MAP4K4: variants seen among roughly 807,000 people sequenced by gnomAD.
MAP4K4 encodes the protein HPK/GCK-like kinase HGK.
In MAP4K4, 38 loss-of-function variants were observed where a neutral mutation model predicts 189.6. The ratio of observed to expected loss-of-function variants is 0.20; its 90% CI spans 0.15 to 0.26. MAP4K4 has a LOEUF of 0.26. Ranked by LOEUF, MAP4K4 falls within the 10% of genes least tolerant of loss-of-function variation. MAP4K4 has a pLI of 1.00. For synonymous variants in MAP4K4, 610 were observed against 624.3 expected (o/e 0.98, Z 0.34); for missense variants, 1,054 against 1,726.9 (o/e 0.61, Z 6.91).
At chr2:101,765,844 C>CTAT (rs773425811) in intron 2 of MAP4K4, among the ~76,000 whole-genome samples, 16 of 152,106 alleles carry the variant, frequency 1.1e-4, no homozygotes, top group Admixed American at 8.5e-4. Context: ...ATTTCAATTT[C>CTAT]TGAGACAATT....
intron 3 of MAP4K4, chr2:101,797,234 C>G (rs573279453): frequency 6.5e-5 from 84 of 1,290,220 alleles, no homozygotes; most frequent in African/African-American, 5.6e-4. Context: ...ACCTATTGTT[C>G]TATTCTGTTA....
chr2:101,878,549 C>T (rs2098280222), intron 27 of MAP4K4, among the ~76,000 whole-genome samples: 1 of 152,224 alleles, frequency 6.6e-6, no homozygotes, highest in South Asian at 2.1e-4. Context: ...GTTATCTTCT[C>T]TTGCTGCCCT....
intron 2 of MAP4K4, among the ~76,000 whole-genome samples, chr2:101,740,163 T>TAAAGCCTGCA (rs1431180186): frequency 2.4e-4 from 23 of 97,802 alleles, no homozygotes; most frequent in African/African-American, 2.2e-3. Flanking sequence ...TTTTTTTTTT[T>TAAAGCCTGCA]TTTTTTTTGA....
chr2:101,887,280 T>C (rs757662168), intron 30 of MAP4K4, 43 bp downstream of exon 30: 1 of 1,570,886 alleles, frequency 6.4e-7, no homozygotes. Context: ...ACTGGCTTCA[T>C]TTTGTTTTGA....
chr2:101,828,855 C>G (rs903829673), intron 5 of MAP4K4, among the ~76,000 whole-genome samples: 1 of 152,224 alleles, frequency 6.6e-6, no homozygotes, highest in Non-Finnish European at 1.5e-5. Flanking sequence ...CTTCCACCAC[C>G]TCTCGTAAGA....
intron 15 of MAP4K4, 124 bp from the exon 16 acceptor site, chr2:101,860,701 C>T: frequency 1.3e-6 from 1 of 784,490 alleles, no homozygotes; most frequent in East Asian, 2.7e-5. Context: ...CTACCCCTCT[C>T]TTTTCTGGTA....
At chr2:101,800,828 A>C (rs1162741121) in intron 3 of MAP4K4, among the ~76,000 whole-genome samples, 2 of 152,206 alleles carry the variant, frequency 1.3e-5, no homozygotes, top group African/African-American at 4.8e-5. Flanking sequence ...AGGAATAACT[A>C]TTCTTGATCT....
intron 22 of MAP4K4, 150 bp from the exon 23 acceptor site, chr2:101,870,145 A>G (rs1036872555): frequency 1.3e-6 from 1 of 747,028 alleles, no homozygotes; most frequent in South Asian, 2.0e-5. Context: ...TCTTTGTTAA[A>G]GGGAGAAAGC....
intron 2 of MAP4K4, among the ~76,000 whole-genome samples, chr2:101,713,160 G>A (rs924110360): frequency 4.0e-5 from 6 of 151,406 alleles, no homozygotes; most frequent in Non-Finnish European, 8.8e-5. Flanking sequence ...CCACCTCCTC[G>A]GCCTCCCAAA....
chr2:101,805,741 G>A (rs1280076510), intron 3 of MAP4K4, among the ~76,000 whole-genome samples: 3 of 152,194 alleles, frequency 2.0e-5, no homozygotes, highest in Admixed American at 6.5e-5. Context: ...AGCAGATGAC[G>A]TTGCTGGCGT....
chr2:101,846,726 A>G (rs150083420), intron 12 of MAP4K4, among the ~76,000 whole-genome samples: 377 of 152,376 alleles, frequency 2.5e-3, no homozygotes, highest in Non-Finnish European at 4.4e-3. Context: ...GTTCAAACTC[A>G]GGGTCATCTC....
rs200401843 is a variant in MAP4K4, at chr2:101,805,515, A to AT, written c.180+14740dup. 6.6e-3 allele frequency among the ~76,000 whole-genome samples: 1,010 copies of AT among 152,284 alleles called. 10 individuals carry two copies. Among genetic ancestry groups the AT allele is most frequent in the African/African-American group, 0.024 (977 of 41,552 alleles). On this transcript the variant is annotated intron_variant, in intron 3 of 32. Coordinates refer to ENST00000324219, the Ensembl canonical transcript of MAP4K4. ...AAGTGAATATATTCCTGCCGTTGAT[A>AT]TAATACTGGTTATGTGGCAGGTGCT... is the stretch of plus-strand genomic sequence containing the variant.
At chr2:101,768,724 A>G (rs2079862342) in intron 2 of MAP4K4, among the ~76,000 whole-genome samples, 1 of 152,188 alleles carries the variant, frequency 6.6e-6, no homozygotes, top group Admixed American at 6.5e-5. Flanking sequence ...AGTATCAGTG[A>G]TGTTGGTACT....
At chr2:101,840,425 T>TTAC (rs750164946) in intron 10 of MAP4K4, among the ~76,000 whole-genome samples, 4 of 152,188 alleles carry the variant, frequency 2.6e-5, no homozygotes, top group Admixed American at 2.0e-4. Flanking sequence ...ACAAGCGGTG[T>TTAC]GGTAGCATGG....
chr2:101,804,675 A>G (rs1469238311), intron 3 of MAP4K4, among the ~76,000 whole-genome samples: 1 of 151,894 alleles, frequency 6.6e-6, no homozygotes, highest in African/African-American at 2.4e-5. Context: ...TGTGGCTGAC[A>G]GGTCTTGGGA....
At chr2:101,710,031 C>A (rs1364123885) in intron 2 of MAP4K4, among the ~76,000 whole-genome samples, 2 of 152,122 alleles carry the variant, frequency 1.3e-5, no homozygotes, top group African/African-American at 2.4e-5. Flanking sequence ...AGCCCTTCTC[C>A]CCCTGAGTTT....
At chr2:101,727,660 A>T (rs1233540104) in intron 2 of MAP4K4, among the ~76,000 whole-genome samples, 2 of 152,200 alleles carry the variant, frequency 1.3e-5, no homozygotes, top group African/African-American at 4.8e-5. Flanking sequence ...CATGTTAAAA[A>T]CTGTGAAACA....
intron 16 of MAP4K4, chr2:101,861,634 G>A (rs537096030): frequency 3.9e-5 from 6 of 152,466 alleles, no homozygotes; most frequent in Middle Eastern, 3.4e-3. Context: ...TTGGCTAGGT[G>A]AGGGGAACTG....
At chr2:101,708,842 A>G (rs547685198) in intron 2 of MAP4K4, among the ~76,000 whole-genome samples, 1 of 152,272 alleles carries the variant, frequency 6.6e-6, no homozygotes, top group Non-Finnish European at 1.5e-5. Flanking sequence ...TGAACATTTC[A>G]TTTAAATGGA....
Sources: allele counts gnomAD v4.1 joint callset (sites outside exome capture counted in the v4.1 genomes callset), GRCh38; gene constraint gnomAD v4.1.1; transcripts MANE v1.5; gene names NCBI Gene and HGNC (gene_info 2026-07-23, HGNC 2026-07-21).